CD109: variants seen among roughly 807,000 people sequenced by gnomAD.
CD109 encodes CD109 molecule, also known as CD109 antigen.
A neutral mutation model predicts 165.8 loss-of-function variants in CD109; 149 were observed. The observed-to-expected ratio is 0.90, with a 90% confidence interval of 0.79 to 1.03. The LOEUF is 1.03. Ranked by LOEUF, CD109 falls within the 50% of genes least tolerant of loss-of-function variation. The pLI, the probability that CD109 is intolerant of heterozygous loss-of-function variation, is 0.00. For synonymous variants in CD109, 585 were observed against 592.1 expected, an observed-to-expected ratio of 0.99 and a Z score of 0.18; for missense variants, 1,712 against 1,677.8, an observed-to-expected ratio of 1.02 and a Z score of -0.36.
intron 2 of CD109, among the ~76,000 whole-genome samples, chr6:73,708,333 A>C (rs1452730195): frequency 5.9e-5 from 9 of 152,048 alleles, no homozygotes; most frequent in African/African-American, 1.9e-4. Flanking sequence ...TGAACTCATC[A>C]TTTTTTATGG....
At chr6:73,770,451 A>G (rs1351128844) in intron 14 of CD109, among the ~76,000 whole-genome samples, 1 of 152,114 alleles carries the variant, frequency 6.6e-6, no homozygotes, top group African/African-American at 2.4e-5. Context: ...TGAAATGAAA[A>G]TTCCCAGCAG....
In CD109 at chr6:73,802,285, G is replaced by GTATATATA. The variant is rs1386422247; in HGVS notation, c.2879-934_2879-933insATATATAT. On this transcript the variant is annotated intron_variant, in intron 23 of 32. Coordinates refer to ENST00000287097, the MANE Select transcript of CD109 (RefSeq NM_133493.5). Reference sequence around the variant, plus strand: ...TGTGTGTGTGTGTGTGTGTGTGTGTGTGTGTATATATATATATATATTTTT... The same window carrying GTATATATA: ...TGTGTGTGTGTGTGTGTGTGTGTGTGTATATATATGTGTATATATATATATATATTTTT... 3.9e-3 allele frequency among the ~76,000 whole-genome samples: 391 copies of GTATATATA among 99,430 alleles called. 4 individuals carry two copies. The highest frequency in any genetic ancestry group is 0.012 in the African/African-American group (288 of 24,286). 65.2% of individuals were successfully genotyped at this position (99,430 alleles called of 152,430 possible).
chr6:73,782,438 AC>A, intron 17 of CD109, among the ~76,000 whole-genome samples, 175 bp from the exon 18 acceptor site: 1 of 152,142 alleles, frequency 6.6e-6, no homozygotes, highest in East Asian at 1.9e-4. Context: ...TGTATCCTTT[AC>A]CTTTTCTGAA....
chr6:73,826,514 T>A lies in CD109; in HGVS notation c.*2881T>A, dbSNP rs1313080819. On this transcript the variant is annotated 3_prime_UTR_variant, in exon 33 of 33. Coordinates refer to ENST00000287097, the MANE Select transcript of CD109 (RefSeq NM_133493.5). ...AAACAATTCTAGGACAGAATAACAT[T>A]TTTATATTTGGTTCCACCATCTTAT... 1 of 152,192 alleles carries A rather than the reference T, an allele frequency of 6.6e-6. No homozygotes were observed. Among genetic ancestry groups the A allele is most frequent in the African/African-American group, 2.4e-5 (1 of 41,458 alleles). The allele number at this position is 152,192 out of a possible 1,614,324, so 9.4% of individuals were successfully genotyped here. A position where few individuals can be genotyped will look rare whatever the true frequency, so the allele number is the denominator to read the frequency against.
chr6:73,693,881 CTTTT>C (rs566824868), upstream of CD109: 2 of 150,844 alleles, frequency 1.3e-5, no homozygotes, highest in Non-Finnish European at 2.9e-5. Flanking sequence ...TCTTTTCTTT[CTTTT>C]CTTTTCTTTT....
At chr6:73,715,506 A>C (rs2150160399) in intron 2 of CD109, among the ~76,000 whole-genome samples, 1 of 149,968 alleles carries the variant, frequency 6.7e-6, no homozygotes, top group South Asian at 2.1e-4. Context: ...TTGGGGTGGC[A>C]GTGAGCTATG....
intron 15 of CD109, among the ~76,000 whole-genome samples, chr6:73,775,463 C>A (rs12660115): frequency 6.6e-6 from 1 of 152,008 alleles, no homozygotes; most frequent in East Asian, 1.9e-4. Flanking sequence ...CCTCTATATT[C>A]CCATTTTCTT....
At chr6:73,776,941 T>C (rs2150243541) in intron 15 of CD109, among the ~76,000 whole-genome samples, 1 of 152,010 alleles carries the variant, frequency 6.6e-6, no homozygotes, top group East Asian at 1.9e-4. Context: ...CATGTATGCA[T>C]GTATGACTTC....
chr6:73,700,834 C>T (rs1771047306), intron 2 of CD109, among the ~76,000 whole-genome samples: 1 of 110,996 alleles, frequency 9.0e-6, no homozygotes, highest in Admixed American at 1.2e-4. Context: ...CACAGTCTCA[C>T]TCTGTCACCC....
intron 5 of CD109, 49 bp from the exon 6 acceptor site, chr6:73,756,594 A>C: frequency 7.8e-7 from 1 of 1,276,476 alleles, no homozygotes; most frequent in South Asian, 1.4e-5. Context: ...AGCAAAATAA[A>C]TAAGAACTCA....
At chr6:73,729,275 A>T (rs1418207825) in intron 3 of CD109, among the ~76,000 whole-genome samples, 1 of 152,100 alleles carries the variant, frequency 6.6e-6, no homozygotes, top group Non-Finnish European at 1.5e-5. Flanking sequence ...ATTAGGCTTC[A>T]CCTTTTGAAG....
chr6:73,680,753 A>C, the CD109 span, among the ~76,000 whole-genome samples: 1 of 152,170 alleles, frequency 6.6e-6, no homozygotes, highest in East Asian at 1.9e-4. Context: ...TTGTGCACTT[A>C]GTGATCCAGT....
intron 9 of CD109, 41 bp downstream of exon 9, chr6:73,762,923 C>A: frequency 6.5e-7 from 1 of 1,532,856 alleles, no homozygotes; most frequent in Non-Finnish European, 8.8e-7. Context: ...ATTCATGTGA[C>A]ACTGCTTTAT....
intron 5 of CD109, among the ~76,000 whole-genome samples, chr6:73,742,224 G>A (rs975202421): frequency 2.2e-5 from 3 of 135,280 alleles, no homozygotes; most frequent in African/African-American, 8.7e-5. Context: ...TTCTATCTCT[G>A]TGGTGTTGAT....
intron 3 of CD109, among the ~76,000 whole-genome samples, chr6:73,729,583 G>A (rs548140676): frequency 5.3e-5 from 8 of 151,352 alleles, no homozygotes; most frequent in Admixed American, 5.3e-4. Context: ...GCAGTGGCAC[G>A]ATCTCGGCTC....
chr6:73,722,803 C>A (rs1302063737), intron 2 of CD109, among the ~76,000 whole-genome samples: 4 of 152,168 alleles, frequency 2.6e-5, no homozygotes, highest in Non-Finnish European at 5.9e-5. Flanking sequence ...CCAGTACTCA[C>A]GAGTCAGTTA....
In CD109 at chr6:73,808,180, T is replaced by TGTC. The variant is rs747390336; in HGVS notation, c.3288_3290dup (p.Ser1098dup). ...ACTCTAGCCCTTATAACTTATGCAT[T>TGTC]GTCATCAGTGGGGAGTCCTAAAGCG... On this transcript the variant is annotated inframe_insertion, in exon 26 of 33. Transcript: ENST00000287097. 6.2e-7 allele frequency: 1 copy of TGTC among 1,613,296 alleles called. No individual in the cohort carries two copies. Among genetic ancestry groups the TGTC allele is most frequent in the Non-Finnish European group, 8.5e-7 (1 of 1,179,478 alleles).
intron 9 of CD109, 48 bp downstream of exon 9, chr6:73,762,930 T>C: frequency 2.0e-6 from 3 of 1,489,500 alleles, no homozygotes; most frequent in Non-Finnish European, 2.7e-6. Context: ...TGACACTGCT[T>C]TATCATCTTT....
intron 7 of CD109, among the ~76,000 whole-genome samples, chr6:73,760,517 T>C (rs774085292): frequency 3.5e-5 from 5 of 141,800 alleles, no homozygotes; most frequent in Non-Finnish European, 7.6e-5. Flanking sequence ...AATTAATACA[T>C]AGAAAGAAAA....
Sources: gnomAD v4.1 joint callset for allele counts (sites outside exome capture counted in the v4.1 genomes callset) on GRCh38, gnomAD v4.1.1 for gene constraint, MANE v1.5 for transcripts, NCBI Gene and HGNC (gene_info 2026-07-23, HGNC 2026-07-21) for gene names.